The following PLAGL1 variants were observed in gnomAD, a reference collection of about 807,000 sequenced individuals.
PLAGL1 encodes PLAG1 like zinc finger 1, also known as zinc finger protein PLAGL1.
PLAGL1 carries 1 observed loss-of-function variant against 4.6 expected under a neutral mutation model. The ratio of observed to expected loss-of-function variants is 0.22; its 90% confidence interval spans 0.08 to 1.03. The LOEUF is 1.03. Ranked by LOEUF, PLAGL1 falls within the 50% of genes least tolerant of loss-of-function variation. The probability of loss-of-function intolerance (pLI) is 0.58; values close to 1 mark genes in which losing one functional copy is unlikely to be tolerated. For synonymous variants in PLAGL1, 240 were observed against 237.8 expected (o/e 1.01, Z -0.08); for missense variants, 464 against 570.4 (o/e 0.81, Z 1.90).
rs79086574 is a variant in PLAGL1 at position 143,981,426 on chromosome 6, A to G, written c.-544+3709T>C. Reference sequence around the variant, plus strand: ...ATCTCTGGAGCTCACTCTCTGTGTAACTAACTCTCTCTTCTCTGGTACTCT... The same window carrying G: ...ATCTCTGGAGCTCACTCTCTGTGTAGCTAACTCTCTCTTCTCTGGTACTCT... On this transcript the variant is annotated intron_variant, in intron 2 of 7. Coordinates refer to ENST00000674357, the MANE Select transcript of PLAGL1 (RefSeq NM_001317162.2). Among the ~76,000 whole-genome samples the G allele has an allele frequency of 6.9e-3, 1,044 of 152,176 alleles. 11 individuals carry two copies. The highest frequency in any genetic ancestry group is 0.024 in the African/African-American group (1,004 of 41,532).
At chr6:144,060,204 T>C (rs1262888283) in intron 1 of PLAGL1, among the ~76,000 whole-genome samples, 1 of 152,104 alleles carries the variant, frequency 6.6e-6, no homozygotes, top group Non-Finnish European at 1.5e-5. Flanking sequence ...TAGTCCACCA[T>C]GCCCAGCTAA....
chr6:144,003,152 A>G (rs1793281963), intron 1 of PLAGL1, among the ~76,000 whole-genome samples: 1 of 152,184 alleles, frequency 6.6e-6, no homozygotes, highest in Admixed American at 6.5e-5. Context: ...ACGCAATTCA[A>G]TGGGAAAAGA....
chr6:144,049,536 C>T (rs1583880889), intron 1 of PLAGL1, among the ~76,000 whole-genome samples: 1 of 152,320 alleles, frequency 6.6e-6, no homozygotes, highest in Middle Eastern at 3.4e-3. Context: ...AGGAAGCAAG[C>T]TTGGACCTTC....
chr6:144,023,960 A>G, intron 1 of PLAGL1, among the ~76,000 whole-genome samples: 1 of 151,884 alleles, frequency 6.6e-6, no homozygotes, highest in Non-Finnish European at 1.5e-5. Flanking sequence ...TATTTTTAGT[A>G]GACACGGGGT....
chr6:144,038,332 T>C (rs979575761), intron 1 of PLAGL1, among the ~76,000 whole-genome samples: 5 of 152,210 alleles, frequency 3.3e-5, no homozygotes, highest in African/African-American at 7.2e-5. Context: ...GACAAGCTGT[T>C]CCTAAAATTC....
At chr6:144,062,313 G>A (rs1799475032) in intron 1 of PLAGL1, among the ~76,000 whole-genome samples, 2 of 151,284 alleles carry the variant, frequency 1.3e-5, no homozygotes, top group Admixed American at 1.3e-4. Context: ...GGAGGCAGAG[G>A]TTGCAGTGAA....
At chr6:144,035,908 G>A (rs1448748514) in intron 1 of PLAGL1, among the ~76,000 whole-genome samples, 1 of 152,092 alleles carries the variant, frequency 6.6e-6, no homozygotes, top group Non-Finnish European at 1.5e-5. Context: ...GCCACCTGGT[G>A]GGGCAAAGAA....
Position 144,048,158 on chromosome 6 carries a change from C to T in PLAGL1, c.-151+16310G>A, listed in dbSNP as rs147738355. On this transcript the variant is annotated intron_variant, in intron 1 of 3. Coordinates refer to the PLAGL1 transcript ENST00000437412. The surrounding 1 kb of genome is among the most constrained non-coding windows in gnomAD (Gnocchi z 4.8). ...TGCTGATGCAAGAAGTGGGCTCCCACGGTCTTGGGCAGCTCTGCCTCTGTG... is the reference window on the plus strand; with the variant it reads ...TGCTGATGCAAGAAGTGGGCTCCCATGGTCTTGGGCAGCTCTGCCTCTGTG... Among the ~76,000 whole-genome samples the T allele has an allele frequency of 3.9e-5, 6 of 152,346 alleles. No homozygotes were observed. The East Asian group carries it at 5.8e-4, about 15-fold the overall frequency.
At position 144,016,538 on chromosome 6, in the gene PLAGL1, G is replaced by A. The variant is rs779696917; in HGVS notation, c.-150-47560C>T. Among the ~76,000 whole-genome samples, 1 of 152,156 alleles carries A rather than the reference G, an allele frequency of 6.6e-6. No homozygotes were observed. The highest frequency in any genetic ancestry group is 1.5e-5 in the Non-Finnish European group (1 of 68,026). On this transcript the variant is annotated intron_variant, in intron 1 of 3. Transcript: ENST00000437412. The surrounding 1 kb of genome is among the most constrained non-coding windows in gnomAD (Gnocchi z 4.2). ...CATCATAATATGTAAACGACACATG[G>A]TCCCATTCATAGGAAATTTTAGAAA...
intron 1 of PLAGL1, among the ~76,000 whole-genome samples, chr6:144,030,521 CA>C (rs1192925960): frequency 2.6e-5 from 4 of 152,144 alleles, no homozygotes; most frequent in Non-Finnish European, 5.9e-5. Context: ...CCCAAGTCCC[CA>C]AAGTCCAATG....
chr6:144,050,464 G>C lies in PLAGL1; in HGVS notation c.-151+14004C>G, dbSNP rs1798498625. Among the ~76,000 whole-genome samples, 1 of 152,148 alleles carries C rather than the reference G, an allele frequency of 6.6e-6. No individual in the cohort carries two copies. Among genetic ancestry groups the C allele is most frequent in the Non-Finnish European group, 1.5e-5 (1 of 68,028 alleles). On this transcript the variant is annotated intron_variant, in intron 1 of 3. Coordinates refer to the PLAGL1 transcript ENST00000437412. The surrounding 1 kb of genome is among the most constrained non-coding windows in gnomAD (Gnocchi z 4.3). ...TATTCTCTTTTCTTCTGTCTGAGGA[G>C]AGAAAGATTCTTCTACACTCTTTTA...
At position 143,960,716 on chromosome 6, in the gene PLAGL1, T is replaced by G. The variant is rs1783214760; in HGVS notation, c.-398-174A>C. The G allele has an allele frequency of 6.6e-6, 1 of 152,202 alleles. No homozygotes were observed. The highest frequency in any genetic ancestry group is 1.5e-5 in the Non-Finnish European group (1 of 68,038). The allele number at this position is 152,202 out of a possible 1,614,324, so 9.4% of individuals were successfully genotyped here. A position where few individuals can be genotyped will look rare whatever the true frequency, so the allele number is the denominator to read the frequency against. ...AGATGATCTTTAAACACTCATATCC[T>G]TTGTCCTACTTGCAACTGGATTAAG... On this transcript the variant is annotated intron_variant, in intron 5 of 7. Coordinates refer to ENST00000674357, the MANE Select transcript of PLAGL1 (RefSeq NM_001317162.2). This position sits in a 1 kb window ranked among gnomAD's most constrained non-coding sequence, Gnocchi z 5.7.
At chr6:143,967,247 C>T (rs17615967) in intron 3 of PLAGL1, 18,412 of 152,126 alleles carry the variant, frequency 0.12, 1,356 homozygotes, top group Non-Finnish European at 0.16. Flanking sequence ...ATGCGTTACA[C>T]GTGTACATAC....
rs541106135 is a variant in PLAGL1 at position 143,952,967 on chromosome 6, C to T, written c.-324-4507G>A. ...ATCCAGAACCTCCAGGTAGTCATGG[C>T]TGCCATGGCTGCAGACCTCACTCCC... On this transcript the variant is annotated intron_variant, in intron 6 of 7. Coordinates refer to ENST00000674357, the MANE Select transcript of PLAGL1 (RefSeq NM_001317162.2). This position sits in a 1 kb window ranked among gnomAD's most constrained non-coding sequence, Gnocchi z 6.1. Among the ~76,000 whole-genome samples the T allele has an allele frequency of 9.8e-5, 15 of 152,362 alleles. No homozygotes were observed. Among genetic ancestry groups the T allele is most frequent in the Non-Finnish European group, 2.1e-4 (14 of 68,026 alleles).
In PLAGL1 at chr6:144,030,295, T is replaced by C. The variant is rs1408411890; in HGVS notation, c.-151+34173A>G. On this transcript the variant is annotated intron_variant, in intron 1 of 3. Transcript: ENST00000437412. ...AAAAAAAAAAAAAAGAAGATGTAAA[T>C]TTTAATACAATGGATATAAGTTCAT... Among the ~76,000 whole-genome samples, 4 of 142,310 alleles carry C rather than the reference T, an allele frequency of 2.8e-5. 1 individual carries two copies. The South Asian group carries it at 6.9e-4, about 25-fold the overall frequency. The allele number at this position is 142,310 out of a possible 152,430, so 93.4% of individuals were successfully genotyped here. A position where few individuals can be genotyped will look rare whatever the true frequency, so the allele number is the denominator to read the frequency against.
At chr6:143,992,732 C>G (rs1367337296) in intron 1 of PLAGL1, among the ~76,000 whole-genome samples, 1 of 152,156 alleles carries the variant, frequency 6.6e-6, no homozygotes, top group African/African-American at 2.4e-5. Context: ...GCTCATAGCA[C>G]CTTGGGAGGC....
rs1282762885 is a variant in PLAGL1 at position 143,985,297 on chromosome 6, C to T, written c.-583-123G>A. Reference sequence around the variant, plus strand: ...AAAAGAGGCTTTACTCAGTCTCCCACAATAGTAACATTTCACAAAACAACA... The same window carrying T: ...AAAAGAGGCTTTACTCAGTCTCCCATAATAGTAACATTTCACAAAACAACA... On this transcript the variant is annotated intron_variant, in intron 1 of 7. Coordinates refer to ENST00000674357, the MANE Select transcript of PLAGL1 (RefSeq NM_001317162.2). This position sits in a 1 kb window ranked among gnomAD's most constrained non-coding sequence, Gnocchi z 4.4. 6.6e-6 allele frequency: 1 copy of T among 152,180 alleles called. No homozygotes were observed. The highest frequency in any genetic ancestry group is 1.5e-5 in the Non-Finnish European group (1 of 68,024). 9.4% of individuals were successfully genotyped at this position (152,180 alleles called of 1,614,324 possible).
intron 2 of PLAGL1, among the ~76,000 whole-genome samples, chr6:143,977,091 C>T (rs6900939): frequency 9.4e-5 from 14 of 149,002 alleles, no homozygotes; most frequent in East Asian, 2.0e-4. Flanking sequence ...CTTCCCCCCC[C>T]CCAACACACT....
rs886620643 is a variant in PLAGL1, at chr6:143,950,400, C to T, written c.-324-1940G>A. 6.6e-6 allele frequency among the ~76,000 whole-genome samples: 1 copy of T among 152,162 alleles called. No homozygotes were observed. Among genetic ancestry groups the T allele is most frequent in the Non-Finnish European group, 1.5e-5 (1 of 68,032 alleles). The stretch of plus-strand genomic sequence containing the variant: ...AGCCCTGGTCACAAACAAAATAACT[C>T]CTTCTAGGAATTCTATTCCGCCTGC... On this transcript the variant is annotated intron_variant, in intron 6 of 7. Coordinates refer to ENST00000674357, the MANE Select transcript of PLAGL1 (RefSeq NM_001317162.2). This position sits in a 1 kb window ranked among gnomAD's most constrained non-coding sequence, Gnocchi z 6.3.
Sources: allele counts gnomAD v4.1 joint callset (sites outside exome capture counted in the v4.1 genomes callset), GRCh38; gene constraint gnomAD v4.1.1; non-coding constraint Gnocchi (gnomAD v3.1); transcripts MANE v1.5; gene names NCBI Gene and HGNC (gene_info 2026-07-23, HGNC 2026-07-21).